The following PGAP1 variants were observed in gnomAD, a reference collection of about 807,000 sequenced individuals.
PGAP1 encodes the protein GPI inositol-deacylase.
Under a neutral mutation model 127.0 loss-of-function variants are expected in PGAP1, and 76 were observed. That is an observed-to-expected ratio of 0.60 (90% CI 0.50 to 0.72). The LOEUF (loss-of-function observed/expected upper bound fraction) is 0.72, where lower values mean the gene tolerates loss of function less well. PGAP1 is among the 30% of genes least tolerant of loss of function. The pLI, the probability that PGAP1 is intolerant of heterozygous loss-of-function variation, is 0.00. For missense variants in PGAP1, 982 were observed against 1,071.3 expected (o/e 0.92, Z 1.16); for synonymous variants, 362 against 366.5 (o/e 0.99, Z 0.14).
intron 19 of PGAP1, 70 bp downstream of exon 19, chr2:196,870,871 C>A (rs1701389091): frequency 2.2e-6 from 3 of 1,379,128 alleles, no homozygotes; most frequent in South Asian, 1.3e-5. Context: ...TGGAAAAAGT[C>A]TACAACCCTT....
chr2:196,844,547 T>C lies in PGAP1; in HGVS notation c.2314A>G (p.Thr772Ala), dbSNP rs759614777. The C allele has an allele frequency of 5.6e-6, 9 of 1,598,248 alleles. No homozygotes were observed. In the African/African-American group the frequency reaches 1.2e-4, roughly 22 times the overall value. Reference protein sequence around the residue: ...KVVHLQASLTTFKNSQPVNPK... With the variant: ...KVVHLQASLTAFKNSQPVNPK... ...ACCACAGGCTGGCTATTCTTAAAAG[T>C]TGTTAAGCTGGCTTGCAGATGAACA... Residue 772 changes from threonine to alanine, a missense_variant, in exon 24 of 27, where the codon ACT (threonine) becomes GCT (alanine). Coordinates refer to ENST00000354764, the MANE Select transcript of PGAP1 (RefSeq NM_024989.4).
chr2:196,913,075 T>A (rs1411768151), intron 3 of PGAP1, 22 bp from the exon 4 acceptor site: 1 of 1,572,230 alleles, frequency 6.4e-7, no homozygotes, highest in East Asian at 2.3e-5. Context: ...AATCACCAGG[T>A]CATAATTGCG....
intron 5 of PGAP1, among the ~76,000 whole-genome samples, chr2:196,901,766 C>T (rs1702499517): frequency 6.6e-6 from 1 of 152,120 alleles, no homozygotes. Flanking sequence ...ACTATCAAAG[C>T]TAATCATGTT....
At chr2:196,881,923 C>T (rs1701746445) in intron 12 of PGAP1, among the ~76,000 whole-genome samples, 1 of 152,052 alleles carries the variant, frequency 6.6e-6, no homozygotes, top group African/African-American at 2.4e-5. Context: ...GAAATCTTTG[C>T]CCATTCCTAT....
rs1257373593 is a variant in PGAP1, at chr2:196,898,389, TA to T, written c.808-21del. The T allele has an allele frequency of 6.3e-7, 1 of 1,578,878 alleles. No homozygotes were observed. Among genetic ancestry groups the T allele is most frequent in the Non-Finnish European group, 8.7e-7 (1 of 1,154,252 alleles). ...TGAACTCTAAAAGAAAAGAAAAAAA[TA>T]AACTTACGAAAAGCACATTTGTTAT... is the stretch of plus-strand genomic sequence containing the variant. On this transcript the variant is annotated intron_variant, in intron 5 of 26. Coordinates refer to ENST00000354764, the MANE Select transcript of PGAP1 (RefSeq NM_024989.4).
At chr2:196,903,534 C>T (rs1358337893) in intron 4 of PGAP1, among the ~76,000 whole-genome samples, 9 of 147,160 alleles carry the variant, frequency 6.1e-5, no homozygotes, top group Non-Finnish European at 1.2e-4. Flanking sequence ...GCACTCCAGC[C>T]TGGGCAACAG....
intron 19 of PGAP1, among the ~76,000 whole-genome samples, chr2:196,865,778 C>T (rs1179255149): frequency 1.3e-5 from 2 of 152,030 alleles, no homozygotes; most frequent in African/African-American, 4.8e-5. Flanking sequence ...ATTCTATCAG[C>T]TCTCTATAAA....
intron 20 of PGAP1, among the ~76,000 whole-genome samples, chr2:196,857,601 A>G (rs867257121): frequency 2.6e-4 from 39 of 152,348 alleles, no homozygotes; most frequent in African/African-American, 9.4e-4. Flanking sequence ...GAAACTGGCC[A>G]GAATCAACAT....
rs1328756338 is a variant in PGAP1 at position 196,833,016 on chromosome 2, C to G, written c.*8218G>C. 6.6e-6 allele frequency: 1 copy of G among 152,102 alleles called. No homozygotes were observed. Among genetic ancestry groups the G allele is most frequent in the Non-Finnish European group, 1.5e-5 (1 of 67,944 alleles). The allele number at this position is 152,102 out of a possible 1,614,324, so 9.4% of individuals were successfully genotyped here. On this transcript the variant is annotated 3_prime_UTR_variant, in exon 27 of 27. Coordinates refer to ENST00000354764, the MANE Select transcript of PGAP1 (RefSeq NM_024989.4). ...TCTTTTTACCATGTGCGTATTCAACCAAATTTATTTTTGAACATTCAGAAC... is the reference window on the plus strand; with the variant it reads ...TCTTTTTACCATGTGCGTATTCAACGAAATTTATTTTTGAACATTCAGAAC...
Position 196,926,476 on chromosome 2 carries a change from C to A in PGAP1, c.141G>T (p.Glu47Asp), listed in dbSNP as rs761400450. 5 of 1,614,110 alleles carry A rather than the reference C, an allele frequency of 3.1e-6. No homozygotes were observed. In the South Asian group the frequency reaches 5.5e-5, roughly 18 times the overall value. Reference sequence around the variant, plus strand: ...GGAGAGGGCAGAACCTTACCTGATACTCCGGGTACTCAAACATGTAGCTCA... The same window carrying A: ...GGAGAGGGCAGAACCTTACCTGATAATCCGGGTACTCAAACATGTAGCTCA... ...CSMSYMFEYP[E>D]YQKIELPKKL... The change falls in exon 1 of 27, where the codon GAG (glutamate) becomes GAT (aspartate). Residue 47 changes from glutamate to aspartate, a missense_variant. Glu to Asp is a conservative substitution (Grantham distance 45). Coordinates refer to ENST00000354764, the MANE Select transcript of PGAP1 (RefSeq NM_024989.4).
intron 3 of PGAP1, among the ~76,000 whole-genome samples, chr2:196,914,076 A>G (rs1702923462): frequency 6.6e-6 from 1 of 152,152 alleles, no homozygotes; most frequent in Non-Finnish European, 1.5e-5. Context: ...TCTCCAATAC[A>G]GACCTGATCT....
In PGAP1 at chr2:196,849,462, G is replaced by A. The variant is rs1485394570; in HGVS notation, c.1862-1425C>T. 2.0e-5 allele frequency among the ~76,000 whole-genome samples: 3 copies of A among 149,992 alleles called. No homozygotes were observed. In the East Asian group the frequency reaches 5.9e-4, roughly 29 times the overall value. Reference sequence around the variant, plus strand: ...TGTATTTTTTTTTTTTTTTAGTAGAGACGGGGTTTCACCGTGTTAGCTAGG... The same window carrying A: ...TGTATTTTTTTTTTTTTTTAGTAGAAACGGGGTTTCACCGTGTTAGCTAGG... On this transcript the variant is annotated intron_variant, in intron 20 of 26. Transcript: ENST00000354764.
intron 10 of PGAP1, among the ~76,000 whole-genome samples, chr2:196,886,157 C>CTTTTT (rs768495810): frequency 1.1e-4 from 14 of 122,156 alleles, no homozygotes; most frequent in African/African-American, 4.0e-4. Flanking sequence ...CTGGTTATCT[C>CTTTTT]TTTTTTTTTT....
At position 196,839,867 on chromosome 2, in the gene PGAP1, G is replaced by C. The variant is rs1045415430; in HGVS notation, c.*1367C>G. On this transcript the variant is annotated 3_prime_UTR_variant, in exon 27 of 27. Transcript: ENST00000354764. ...ATACATATTCACAAGTGCAATGGTG[G>C]AATCACTGGAAATTTACATGAGAGG... 1 of 152,170 alleles carries C rather than the reference G, an allele frequency of 6.6e-6. No individual in the cohort carries two copies. The highest frequency in any genetic ancestry group is 1.5e-5 in the Non-Finnish European group (1 of 68,036). The allele number at this position is 152,170 out of a possible 1,614,324, so 9.4% of individuals were successfully genotyped here.
intron 14 of PGAP1, among the ~76,000 whole-genome samples, 160 bp downstream of exon 14, chr2:196,875,586 C>T (rs1372050955): frequency 6.6e-6 from 1 of 152,142 alleles, no homozygotes; most frequent in Non-Finnish European, 1.5e-5. Flanking sequence ...CAGAATATGA[C>T]TGCTAGCCCA....
In PGAP1 at chr2:196,912,593, A is replaced by C. The variant is rs1013365045; in HGVS notation, c.649+289T>G. 1.9e-3 allele frequency among the ~76,000 whole-genome samples: 294 copies of C among 151,162 alleles called. 2 individuals carry two copies. Among genetic ancestry groups the C allele is most frequent in the African/African-American group, 6.4e-3 (263 of 41,308 alleles). On this transcript the variant is annotated intron_variant, in intron 4 of 26. Coordinates refer to ENST00000354764, the MANE Select transcript of PGAP1 (RefSeq NM_024989.4). ...AGACCCTGTCTTTAAAAAAAAAAAA[A>C]AAAAAAAAAAAAAACTAAACGGAAG...
At chr2:196,904,140 T>G (rs988488963) in intron 4 of PGAP1, among the ~76,000 whole-genome samples, 1 of 152,214 alleles carries the variant, frequency 6.6e-6, no homozygotes, top group Non-Finnish European at 1.5e-5. Flanking sequence ...AATATATCAT[T>G]GAAATAACCT....
intron 12 of PGAP1, among the ~76,000 whole-genome samples, 191 bp downstream of exon 12, chr2:196,885,233 T>C (rs1305062411): frequency 6.6e-6 from 1 of 152,126 alleles, no homozygotes; most frequent in South Asian, 2.1e-4. Flanking sequence ...GTAAAAAAAA[T>C]ATAAATAACA....
chr2:196,848,737 G>A (rs904915684), intron 20 of PGAP1, among the ~76,000 whole-genome samples: 1 of 151,780 alleles, frequency 6.6e-6, no homozygotes, highest in African/African-American at 2.4e-5. Flanking sequence ...TCTGCTTTTT[G>A]GCTGTTATGA....
Sources: gnomAD v4.1 joint callset for allele counts (sites outside exome capture counted in the v4.1 genomes callset) on GRCh38, gnomAD v4.1.1 for gene constraint, MANE v1.5 for transcripts, NCBI Gene and HGNC (gene_info 2026-07-23, HGNC 2026-07-21) for gene names.